ASIC2: variants seen among roughly 807,000 people sequenced by gnomAD.
ASIC2 encodes the protein acid sensing ion channel subunit 2.
In ASIC2, 25 loss-of-function variants were observed where a neutral mutation model predicts 57.3. That is an observed-to-expected ratio of 0.44 (90% CI 0.32 to 0.61). The LOEUF (loss-of-function observed/expected upper bound fraction) is 0.61, where lower values mean the gene tolerates loss of function less well. ASIC2 is among the 20% of genes least tolerant of loss of function. ASIC2 has a pLI of 0.06. For missense variants in ASIC2, 641 were observed against 738.1 expected (o/e 0.87, Z 1.52); for synonymous variants, 319 against 307.5 (o/e 1.04, Z -0.39).
chr17:33,555,622 T>A (rs1915884807), intron 1 of ASIC2, among the ~76,000 whole-genome samples: 1 of 152,142 alleles, frequency 6.6e-6, no homozygotes, highest in Non-Finnish European at 1.5e-5. Context: ...ATGAAATTCT[T>A]GGTCCAAATG....
chr17:33,721,580 A>G (rs1425787723), intron 1 of ASIC2, among the ~76,000 whole-genome samples: 3 of 152,208 alleles, frequency 2.0e-5, no homozygotes, highest in Non-Finnish European at 4.4e-5. Context: ...CCCACATTAG[A>G]CAAAGAGCAG....
chr17:33,300,292 T>C (rs1905902611), intron 1 of ASIC2, among the ~76,000 whole-genome samples: 1 of 152,204 alleles, frequency 6.6e-6, no homozygotes, highest in South Asian at 2.1e-4. Context: ...AGTAATTGTA[T>C]TTCATGTTCT....
At chr17:33,614,178 A>G (rs1486514343) in intron 1 of ASIC2, among the ~76,000 whole-genome samples, 1 of 152,178 alleles carries the variant, frequency 6.6e-6, no homozygotes, top group Non-Finnish European at 1.5e-5. Context: ...TTCTTTAAGG[A>G]TGGGTGTCCT....
chr17:33,344,403 C>G (rs1046889211), intron 1 of ASIC2, among the ~76,000 whole-genome samples: 1 of 152,028 alleles, frequency 6.6e-6, no homozygotes, highest in Non-Finnish European at 1.5e-5. Flanking sequence ...TGGCAGGGAG[C>G]GGGGCACCAG....
Position 33,326,830 on chromosome 17 carries a change from C to A in ASIC2, c.556-214763G>T, listed in dbSNP as rs967052339. ...TTTGGCAATTATTCCTGTGTAATTTCTTTTACTTTGTTCCTTTCTTCCACA... is the reference window on the plus strand; with the variant it reads ...TTTGGCAATTATTCCTGTGTAATTTATTTTACTTTGTTCCTTTCTTCCACA... On this transcript the variant is annotated intron_variant, in intron 1 of 9. Coordinates refer to the ASIC2 transcript ENST00000359872. Among the ~76,000 whole-genome samples the A allele has an allele frequency of 2.6e-5, 4 of 152,310 alleles. No homozygotes were observed. In the South Asian group the frequency reaches 8.3e-4, roughly 32 times the overall value.
At chr17:33,952,427 G>A (rs1904607782) in intron 1 of ASIC2, among the ~76,000 whole-genome samples, 1 of 152,134 alleles carries the variant, frequency 6.6e-6, no homozygotes, top group Non-Finnish European at 1.5e-5. Context: ...TTCTTATCAT[G>A]AGAATAAAAA....
At chr17:33,825,009 C>G (rs7218089) in intron 1 of ASIC2, among the ~76,000 whole-genome samples, 1 of 152,096 alleles carries the variant, frequency 6.6e-6, no homozygotes, top group Non-Finnish European at 1.5e-5. Flanking sequence ...TACATGTGCA[C>G]GTCTCTCTCC....
At chr17:33,679,707 G>T (rs1242821867) in intron 1 of ASIC2, among the ~76,000 whole-genome samples, 3 of 152,188 alleles carry the variant, frequency 2.0e-5, no homozygotes, top group Admixed American at 6.5e-5. Flanking sequence ...GATGAGCTGT[G>T]AGGCCAAGGA....
chr17:33,863,892 C>CT (rs771558000), intron 1 of ASIC2, among the ~76,000 whole-genome samples: 35 of 133,518 alleles, frequency 2.6e-4, no homozygotes, highest in Non-Finnish European at 3.6e-4. Context: ...ACAGTTACCT[C>CT]TTTTTTTGTT....
chr17:33,555,552 A>G (rs995375883), intron 1 of ASIC2, among the ~76,000 whole-genome samples: 12 of 152,288 alleles, frequency 7.9e-5, no homozygotes, highest in African/African-American at 2.9e-4. Context: ...GAGATGGTGA[A>G]AAGCTGAGAG....
chr17:33,651,755 G>A (rs1906926213), intron 1 of ASIC2, among the ~76,000 whole-genome samples: 2 of 152,212 alleles, frequency 1.3e-5, no homozygotes, highest in Admixed American at 6.5e-5. Flanking sequence ...TCCAGCTGTA[G>A]CCATGTCCCT....
intron 1 of ASIC2, among the ~76,000 whole-genome samples, chr17:33,131,201 T>C (rs2092344818): frequency 6.6e-6 from 1 of 152,110 alleles, no homozygotes; most frequent in Non-Finnish European, 1.5e-5. Context: ...CAGCTACCAC[T>C]GGAGGCTCAT....
At chr17:33,756,208 C>T (rs185504157) in intron 1 of ASIC2, among the ~76,000 whole-genome samples, 1 of 152,334 alleles carries the variant, frequency 6.6e-6, no homozygotes, top group East Asian at 1.9e-4. Context: ...CAATGTCTCC[C>T]CAGAGCCTTT....
intron 1 of ASIC2, among the ~76,000 whole-genome samples, chr17:33,390,915 A>G (rs930838503): frequency 1.3e-5 from 2 of 152,218 alleles, no homozygotes; most frequent in Non-Finnish European, 2.9e-5. Flanking sequence ...AGGGGCAGGG[A>G]TTACATAAGT....
chr17:34,084,417 T>G (rs1222046885), intron 1 of ASIC2, among the ~76,000 whole-genome samples: 1 of 152,266 alleles, frequency 6.6e-6, no homozygotes, highest in Non-Finnish European at 1.5e-5. Flanking sequence ...TCTGTTTTGG[T>G]ACCAGTACCA....
intron 1 of ASIC2, among the ~76,000 whole-genome samples, chr17:34,051,500 G>A (rs1567801690): frequency 6.6e-6 from 1 of 152,180 alleles, no homozygotes; most frequent in Non-Finnish European, 1.5e-5. Flanking sequence ...CTTATTAATT[G>A]CAAAGATAAG....
intron 1 of ASIC2, among the ~76,000 whole-genome samples, chr17:33,413,181 A>C (rs1910724602): frequency 6.6e-6 from 1 of 152,148 alleles, no homozygotes; most frequent in African/African-American, 2.4e-5. Context: ...CAGCCCCCAA[A>C]TCAGGAGCTC....
At chr17:33,444,544 C>T (rs775303572) in intron 1 of ASIC2, among the ~76,000 whole-genome samples, 14 of 152,126 alleles carry the variant, frequency 9.2e-5, no homozygotes, top group Non-Finnish European at 1.6e-4. Flanking sequence ...ATCTAACAGC[C>T]GCCATTTCCA....
At chr17:33,867,199 TTCTGCTATA>T (rs565631664) in intron 1 of ASIC2, among the ~76,000 whole-genome samples, 8 of 152,176 alleles carry the variant, frequency 5.3e-5, no homozygotes, top group Non-Finnish European at 1.0e-4. Flanking sequence ...TTTTTAGATT[TTCTGCTATA>T]TCTGCTATAT....
Sources: allele counts gnomAD v4.1 joint callset (sites outside exome capture counted in the v4.1 genomes callset), GRCh38; gene constraint gnomAD v4.1.1; transcripts MANE v1.5; gene names NCBI Gene and HGNC (gene_info 2026-07-23, HGNC 2026-07-21).